The following ALDH1L1 variants were observed in gnomAD, a reference collection of about 807,000 sequenced individuals.
ALDH1L1 encodes the protein cytosolic 10-formyltetrahydrofolate dehydrogenase.
Under a neutral mutation model 101.1 loss-of-function variants are expected in ALDH1L1, and 68 were observed. That is an observed-to-expected ratio of 0.67 (90% confidence interval 0.55 to 0.82). The LOEUF (loss-of-function observed/expected upper bound fraction) is 0.82, where lower values mean the gene tolerates loss of function less well. Ranked by LOEUF, ALDH1L1 falls within the 40% of genes least tolerant of loss-of-function variation. The pLI, the probability that ALDH1L1 is intolerant of heterozygous loss-of-function variation, is 0.00. For missense variants in ALDH1L1, 1,087 were observed against 1,172.7 expected (o/e 0.93, Z 1.07); for synonymous variants, 486 against 470.8 (o/e 1.03, Z -0.42).
At chr3:126,196,757 T>C (rs4679216) in intron 1 of ALDH1L1, among the ~76,000 whole-genome samples, 94,694 of 152,016 alleles carry the variant, frequency 0.62, 29,553 homozygotes, top group Middle Eastern at 0.67. Flanking sequence ...TGTTCATGGA[T>C]GGGAAGAAAA....
intron 1 of ALDH1L1, among the ~76,000 whole-genome samples, chr3:126,178,242 G>A (rs549559971): frequency 3.3e-5 from 5 of 151,668 alleles, no homozygotes; most frequent in Admixed American, 6.6e-5. Context: ...TTAGCCAGGC[G>A]TGGTTGTGCA....
intron 13 of ALDH1L1, 94 bp downstream of exon 13, chr3:126,131,290 C>T (rs1409189154): frequency 1.7e-5 from 23 of 1,386,186 alleles, no homozygotes; most frequent in South Asian, 9.9e-5. Flanking sequence ...TCATTTGCTG[C>T]GCAGCATGCA....
chr3:126,153,671 G>A, intron 6 of ALDH1L1, 90 bp from the exon 7 acceptor site: 1 of 1,496,718 alleles, frequency 6.7e-7, no homozygotes, highest in Non-Finnish European at 9.0e-7. Flanking sequence ...GCTGGGAGAG[G>A]GAGAGGGGCC....
chr3:126,109,339 G>A (rs1945998065), intron 20 of ALDH1L1, among the ~76,000 whole-genome samples: 1 of 152,188 alleles, frequency 6.6e-6, no homozygotes, highest in African/African-American at 2.4e-5. Context: ...CAGCAGGTGT[G>A]TGTGTCTGGG....
chr3:126,156,875 T>C (rs2080919456), intron 4 of ALDH1L1, among the ~76,000 whole-genome samples: 1 of 152,204 alleles, frequency 6.6e-6, no homozygotes, highest in South Asian at 2.1e-4. Context: ...TCTCTTTCCC[T>C]GGAATCAAGA....
At chr3:126,159,493 C>T (rs2080995382) in intron 2 of ALDH1L1, 2 of 456,642 alleles carry the variant, frequency 4.4e-6, no homozygotes, top group Non-Finnish European at 8.8e-6. Flanking sequence ...GTTAGAGCCT[C>T]TGGTGTGATG....
At chr3:126,167,291 C>G (rs757258781) in intron 1 of ALDH1L1, among the ~76,000 whole-genome samples, 1 of 152,094 alleles carries the variant, frequency 6.6e-6, no homozygotes, top group South Asian at 2.1e-4. Flanking sequence ...ATATTTTTCT[C>G]TTGGGGTTGT....
intron 9 of ALDH1L1, among the ~76,000 whole-genome samples, chr3:126,141,645 C>T (rs2080570493): frequency 6.6e-6 from 1 of 151,888 alleles, no homozygotes; most frequent in Admixed American, 6.6e-5. Flanking sequence ...TAGAAAATAC[C>T]TTTAGTCAAA....
Position 126,105,867 on chromosome 3 carries a change from C to T in ALDH1L1, c.2512G>A (p.Val838Ile). 1 of 1,614,198 alleles carries T rather than the reference C, an allele frequency of 6.2e-7. No homozygotes were observed. The highest frequency in any genetic ancestry group is 8.5e-7 in the Non-Finnish European group (1 of 1,180,032). ...GCCTTGTTGATGTCCCTGGTGAAGA[C>T]ACCAGAAGCCAGGCCAAATTCCGTG... is the stretch of plus-strand genomic sequence containing the variant. ...NATEFGLASG[V>I]FTRDINKALY... Residue 838 changes from valine to isoleucine, a missense_variant, in exon 22 of 23, where the codon GTC becomes ATC. Around this residue, in one of 2 missense-constraint regions of ALDH1L1, gnomAD observed 442 missense variants for 535.7 expected, o/e 0.83. Coordinates refer to ENST00000393434, the MANE Select transcript of ALDH1L1 (RefSeq NM_012190.4).
Position 126,157,867 on chromosome 3 carries a change from C to G in ALDH1L1, c.363-359G>C, listed in dbSNP as rs184215466. On this transcript the variant is annotated intron_variant, in intron 3 of 22. Coordinates refer to ENST00000393434, the MANE Select transcript of ALDH1L1 (RefSeq NM_012190.4). ...TCCGACTACAAATCCACTCTCTTTTCTCAACTCAAATGTCTTCCCTCTTTG... is the reference window on the plus strand; with the variant it reads ...TCCGACTACAAATCCACTCTCTTTTGTCAACTCAAATGTCTTCCCTCTTTG... 5.3e-5 allele frequency among the ~76,000 whole-genome samples: 8 copies of G among 152,314 alleles called. No individual in the cohort carries two copies. In the East Asian group the frequency reaches 1.5e-3, roughly 29 times the overall value.
chr3:126,156,294 G>C (rs2080901848), intron 4 of ALDH1L1: 1 of 151,692 alleles, frequency 6.6e-6, no homozygotes, highest in South Asian at 2.1e-4. Context: ...GCACAGGTAA[G>C]CTCCCTCTCT....
chr3:126,163,466 T>C, intron 1 of ALDH1L1, among the ~76,000 whole-genome samples: 1 of 152,226 alleles, frequency 6.6e-6, no homozygotes, highest in East Asian at 1.9e-4. Flanking sequence ...ATATATCCAC[T>C]ACAATATTGA....
intron 16 of ALDH1L1, among the ~76,000 whole-genome samples, chr3:126,123,294 G>A (rs1457231997): frequency 6.8e-6 from 1 of 146,012 alleles, no homozygotes; most frequent in Non-Finnish European, 1.5e-5. Flanking sequence ...GTCTCGCTCT[G>A]TTACCCAGGC....
chr3:126,187,770 C>T (rs1435936943), intron 1 of ALDH1L1, among the ~76,000 whole-genome samples: 1 of 152,018 alleles, frequency 6.6e-6, no homozygotes, highest in Non-Finnish European at 1.5e-5. Flanking sequence ...TATCAAGGGC[C>T]CTTTAAGACC....
chr3:126,153,804 C>A (rs1009304394), intron 6 of ALDH1L1, among the ~76,000 whole-genome samples: 1 of 152,214 alleles, frequency 6.6e-6, no homozygotes, highest in African/African-American at 2.4e-5. Context: ...GCAGGTCTGC[C>A]TCAACTCTGC....
At chr3:126,183,527 G>T (rs78574145), upstream of ALDH1L1, among the ~76,000 whole-genome samples, 10 of 152,274 alleles carry the variant, frequency 6.6e-5, no homozygotes, top group South Asian at 2.1e-3. Context: ...AGCCAAGAGC[G>T]TGGAGAATCA....
chr3:126,136,923 G>A (rs1420380271), intron 10 of ALDH1L1, 40 bp from the exon 11 acceptor site: 1 of 1,612,094 alleles, frequency 6.2e-7, no homozygotes. Flanking sequence ...AACCCATGCA[G>A]GGTGCAGGAA....
chr3:126,145,507 A>G (rs749329002), intron 9 of ALDH1L1, among the ~76,000 whole-genome samples: 2 of 152,234 alleles, frequency 1.3e-5, no homozygotes, highest in Non-Finnish European at 2.9e-5. Flanking sequence ...AGCCATAAAA[A>G]GAAGGCAGTC....
At chr3:126,161,488 G>C (rs1307364777) in intron 1 of ALDH1L1, among the ~76,000 whole-genome samples, 1 of 152,204 alleles carries the variant, frequency 6.6e-6, no homozygotes, top group African/African-American at 2.4e-5. Context: ...CCCGCCGAAG[G>C]GGCTGTCCAG....
Sources: gnomAD v4.1 joint callset for allele counts (sites outside exome capture counted in the v4.1 genomes callset) on GRCh38, gnomAD v4.1.1 for gene constraint, gnomAD v4.1.1 regional missense constraint, MANE v1.5 for transcripts, NCBI Gene and HGNC (gene_info 2026-07-23, HGNC 2026-07-21) for gene names.